Variants in GPAM observed in about 807,000 individuals in gnomAD.
GPAM encodes glycerol-3-phosphate acyltransferase 1, mitochondrial.
GPAM carries 56 observed loss-of-function variants against 105.0 expected under a neutral mutation model. The ratio of observed to expected loss-of-function variants is 0.53; its 90% CI spans 0.43 to 0.67. The LOEUF is 0.67. Among genes scored for constraint, GPAM ranks in the 30% least tolerant of loss-of-function variants. GPAM has a pLI of 0.00. For missense variants in GPAM, 855 were observed against 989.8 expected (o/e 0.86, Z 1.83); for synonymous variants, 368 against 354.4 (o/e 1.04, Z -0.43).
upstream of GPAM, among the ~76,000 whole-genome samples, chr10:112,217,516 G>A (rs565674764): frequency 4.6e-5 from 7 of 151,580 alleles, no homozygotes; most frequent in South Asian, 1.5e-3. Flanking sequence ...TTATAGCCAC[G>A]AATTCACAAC....
In GPAM at chr10:112,160,032, A is replaced by C; in HGVS notation, c.1781T>G (p.Leu594Arg). 1 of 1,614,130 alleles carries C rather than the reference A, an allele frequency of 6.2e-7. No individual in the cohort carries two copies. Among genetic ancestry groups the C allele is most frequent in the Non-Finnish European group, 8.5e-7 (1 of 1,179,980 alleles). ...GGGACCCCCCAGTCCCCTCTTGTTC[A>C]GAACTGCATAAAGGCTGCAAGCTAA... ...AIIACSLYAV[L>R]NKRGLGGPTS... is the part of the protein sequence containing the mutation. Residue 594 changes from leucine (L) to arginine (R), a missense_variant, in exon 17 of 22, where the codon CTG (leucine) becomes CGG (arginine). Physicochemically the swap from Leu to Arg is moderately radical, Grantham distance 102 (BLOSUM62 -2). Coordinates refer to ENST00000348367, the MANE Select transcript of GPAM (RefSeq NM_001244949.2).
intron 1 of GPAM, among the ~76,000 whole-genome samples, chr10:112,214,959 G>C (rs1847952388): frequency 6.6e-6 from 1 of 152,184 alleles, no homozygotes; most frequent in Admixed American, 6.5e-5. Flanking sequence ...TGCACCTCTT[G>C]TCAGCTGCAA....
rs768767175 is a variant in GPAM, at chr10:112,173,685, T to C, written c.560+14A>G. 3.2e-5 allele frequency: 51 copies of C among 1,612,906 alleles called. No homozygotes were observed. The highest frequency in any genetic ancestry group is 6.6e-5 in the South Asian group (6 of 91,066). On this transcript the variant is annotated intron_variant, in intron 7 of 21. Transcript: ENST00000348367. ...TGGCTGTGATTGAAAGCTTTCTGCC[T>C]TGCCTTTTAATACCTGATCATTGCC...
At position 112,153,235 on chromosome 10, in the gene GPAM, T is replaced by G; in HGVS notation, c.*315A>C. The stretch of plus-strand genomic sequence containing the variant: ...TGTGTCCATCACAGTAATTAGTCCT[T>G]AAAAGTTGTACTTAAAATGTCAATC... On this transcript the variant is annotated 3_prime_UTR_variant, in exon 22 of 22. Transcript: ENST00000348367. 8.4e-7 allele frequency: 1 copy of G among 1,185,396 alleles called. No homozygotes were observed. The highest frequency in any genetic ancestry group is 1.1e-6 in the Non-Finnish European group (1 of 944,890). The allele number at this position is 1,185,396 out of a possible 1,614,324, so 73.4% of individuals were successfully genotyped here. A position where few individuals can be genotyped will look rare whatever the true frequency, so the allele number is the denominator to read the frequency against.
Position 112,182,795 on chromosome 10 carries a change from T to C in GPAM, c.-31A>G, listed in dbSNP as rs1847531884. Reference sequence around the variant, plus strand: ...AGGGGAGAGAATAAACCAATGCACCTGGGATGAAAGTTCTTCTGTTTCATA... The same window carrying C: ...AGGGGAGAGAATAAACCAATGCACCCGGGATGAAAGTTCTTCTGTTTCATA... On this transcript the variant is annotated splice_region_variant and 5_prime_UTR_variant, in exon 2 of 22. Transcript: ENST00000348367. The C allele has an allele frequency of 6.6e-6, 1 of 152,218 alleles. No homozygotes were observed. Among genetic ancestry groups the C allele is most frequent in the South Asian group, 2.1e-4 (1 of 4,834 alleles). 9.4% of individuals were successfully genotyped at this position (152,218 alleles called of 1,614,324 possible). A position where few individuals can be genotyped will look rare whatever the true frequency, so the allele number is the denominator to read the frequency against.
chr10:112,150,811 C>T lies in GPAM; in HGVS notation c.*2739G>A. The T allele has an allele frequency of 2.0e-6, 2 of 984,150 alleles. No individual in the cohort carries two copies. The highest frequency in any genetic ancestry group is 2.4e-6 in the Non-Finnish European group (2 of 828,772). The allele number at this position is 984,150 out of a possible 1,614,324, so 61.0% of individuals were successfully genotyped here. On this transcript the variant is annotated 3_prime_UTR_variant, in exon 22 of 22. Transcript: ENST00000348367. ...AACATCTCACAGAGCACTCATATTA[C>T]ATGGAGTGCTATGGGAAATGCTTTT...
At chr10:112,172,455 G>C (rs906583530) in intron 8 of GPAM, 137 bp from the exon 9 acceptor site, 123 of 717,302 alleles carry the variant, frequency 1.7e-4, no homozygotes, top group Non-Finnish European at 3.0e-4. Context: ...CCAATAATAG[G>C]AACTTCCTTC....
chr10:112,204,068 C>G (rs781642016), intron 1 of GPAM, among the ~76,000 whole-genome samples: 10 of 152,066 alleles, frequency 6.6e-5, no homozygotes, highest in Non-Finnish European at 1.5e-4. Context: ...TGTCAATATC[C>G]AAAGCATGGT....
rs139552162 is a variant in GPAM, at chr10:112,214,924, G to A, written n.210+244C>T. Among the ~76,000 whole-genome samples, 597 of 152,334 alleles carry A rather than the reference G, an allele frequency of 3.9e-3. 6 individuals are homozygous for A. The highest frequency in any genetic ancestry group is 0.014 in the African/African-American group (575 of 41,584). ...TCATGAGGAGCAAATGCACACAGAT[G>A]TGAATGTTACATCACAAACGTGCTT... On this transcript the variant is annotated intron_variant and non_coding_transcript_variant, in intron 1 of 3. Coordinates refer to the GPAM transcript ENST00000480130.
intron 9 of GPAM, among the ~76,000 whole-genome samples, chr10:112,169,741 C>G (rs2251697): frequency 0.59 from 89,916 of 152,050 alleles, 26,780 homozygotes; most frequent in African/African-American, 0.64. Context: ...CTGTTAGGAA[C>G]CGGGCCACAC....
At chr10:112,196,601 T>G (rs1847727243) in intron 1 of GPAM, among the ~76,000 whole-genome samples, 1 of 152,194 alleles carries the variant, frequency 6.6e-6, no homozygotes, top group African/African-American at 2.4e-5. Flanking sequence ...AAAACCTAAG[T>G]AAGCATAGCA....
At chr10:112,173,962 G>A in intron 6 of GPAM, 117 bp from the exon 7 acceptor site, 1 of 833,936 alleles carries the variant, frequency 1.2e-6, no homozygotes, top group Admixed American at 1.8e-5. Flanking sequence ...TCTTTAAAAT[G>A]CGGTAACATG....
chr10:112,159,771 G>C, intron 17 of GPAM, 140 bp downstream of exon 17: 1 of 817,894 alleles, frequency 1.2e-6, no homozygotes, highest in South Asian at 1.5e-5. Context: ...TATTGGTTTG[G>C]TGGTCACTGA....
intron 17 of GPAM, 99 bp downstream of exon 17, chr10:112,159,812 A>T (rs1847088493): frequency 8.6e-7 from 1 of 1,163,642 alleles, no homozygotes; most frequent in South Asian, 1.2e-5. Context: ...AGTATCAACA[A>T]TGGGTCAAAC....
At chr10:112,199,259 T>C (rs1319396430) in intron 1 of GPAM, among the ~76,000 whole-genome samples, 1 of 152,144 alleles carries the variant, frequency 6.6e-6, no homozygotes, top group Non-Finnish European at 1.5e-5. Flanking sequence ...CCCAGCCACC[T>C]GGAGGGCATT....
At position 112,153,518 on chromosome 10, in the gene GPAM, G is replaced by A; in HGVS notation, c.*32C>T. 1 of 1,613,114 alleles carries A rather than the reference G, an allele frequency of 6.2e-7. No homozygotes were observed. The highest frequency in any genetic ancestry group is 8.5e-7 in the Non-Finnish European group (1 of 1,179,422). On this transcript the variant is annotated 3_prime_UTR_variant, in exon 22 of 22. Transcript: ENST00000348367. ...GGTACCTACAAGGAACTCATCTCAT[G>A]ACCTTCATTTGCCAGCAGTGCCACA...
At chr10:112,177,073 C>T (rs1490181340) in intron 5 of GPAM, among the ~76,000 whole-genome samples, 1 of 149,260 alleles carries the variant, frequency 6.7e-6, no homozygotes, top group South Asian at 2.1e-4. Context: ...TCTCTCCCCT[C>T]TTTTTTAAAT....
intron 1 of GPAM, among the ~76,000 whole-genome samples, chr10:112,191,434 T>C (rs1847657421): frequency 1.3e-5 from 2 of 152,184 alleles, no homozygotes; most frequent in Admixed American, 1.3e-4. Flanking sequence ...GCACCAATTC[T>C]AGAGGGAAAC....
At chr10:112,214,661 C>A (rs951308573) in intron 1 of GPAM, among the ~76,000 whole-genome samples, 1 of 152,230 alleles carries the variant, frequency 6.6e-6, no homozygotes, top group African/African-American at 2.4e-5. Context: ...AAAAGACATT[C>A]TCAGCTCCTC....
Sources: gnomAD v4.1 joint callset for allele counts (sites outside exome capture counted in the v4.1 genomes callset) on GRCh38, gnomAD v4.1.1 for gene constraint, MANE v1.5 for transcripts, NCBI Gene and HGNC (gene_info 2026-07-23, HGNC 2026-07-21) for gene names.